COPS7B: variants seen among roughly 807,000 people sequenced by gnomAD.
COPS7B encodes the protein COP9 signalosome subunit 7B, also known as COP9 signalosome complex subunit 7b.
A neutral mutation model predicts 33.4 loss-of-function variants in COPS7B; 9 were observed. The ratio of observed to expected loss-of-function variants is 0.27; its 90% CI spans 0.16 to 0.47. The LOEUF (loss-of-function observed/expected upper bound fraction) is 0.47. COPS7B is among the 20% of genes least tolerant of loss of function. The pLI is 0.99. For synonymous variants in COPS7B, 119 were observed against 126.3 expected (o/e 0.94, Z 0.39); for missense variants, 242 against 318.2 (o/e 0.76, Z 1.82).
At chr2:231,799,694 C>T (rs1253493743) in intron 6 of COPS7B, among the ~76,000 whole-genome samples, 2 of 152,166 alleles carry the variant, frequency 1.3e-5, no homozygotes, top group Non-Finnish European at 2.9e-5. Flanking sequence ...CACTGATTTT[C>T]CTTAGCATTG....
upstream of COPS7B, among the ~76,000 whole-genome samples, chr2:231,784,384 A>C (rs1424565698): frequency 1.3e-5 from 2 of 151,576 alleles, no homozygotes; most frequent in Non-Finnish European, 2.9e-5. Context: ...TGGGAGGTGG[A>C]GGTGGTAGGA....
upstream of COPS7B, among the ~76,000 whole-genome samples, chr2:231,782,366 A>C (rs2049151173): frequency 6.6e-6 from 1 of 152,150 alleles, no homozygotes. Flanking sequence ...ATTTATTTTC[A>C]GCCTAGGTAG....
At chr2:231,784,401 G>C (rs978416573), upstream of COPS7B, among the ~76,000 whole-genome samples, 6 of 152,010 alleles carry the variant, frequency 3.9e-5, no homozygotes, top group Non-Finnish European at 8.8e-5. Flanking sequence ...AGGATCCCTT[G>C]AGCCCAGAAG....
intron 2 of COPS7B, chr2:231,789,710 C>G (rs1354322909): frequency 3.9e-5 from 6 of 152,332 alleles, no homozygotes; most frequent in Non-Finnish European, 2.9e-5. Flanking sequence ...ACCACCACAA[C>G]ACCTTTGCTG....
chr2:231,782,759 T>A (rs1009528397), upstream of COPS7B, among the ~76,000 whole-genome samples: 5 of 152,240 alleles, frequency 3.3e-5, no homozygotes, highest in Admixed American at 1.3e-4. Context: ...AAAAGGTTCA[T>A]TGCAGCTGGC....
intron 5 of COPS7B, among the ~76,000 whole-genome samples, chr2:231,796,855 C>T (rs1220760167): frequency 2.0e-5 from 3 of 152,234 alleles, no homozygotes; most frequent in Non-Finnish European, 2.9e-5. Context: ...ACTTGGAATA[C>T]AGACTCATAC....
Position 231,786,457 on chromosome 2 carries a change from G to C in COPS7B, c.-98G>C, listed in dbSNP as rs1162100031. ...ACAGAAAAGCGCCGGACGCCGGGGT[G>C]ATCATGGACGCTTGACAACCTGCGG... On this transcript the variant is annotated 5_prime_UTR_variant, in exon 1 of 7. Coordinates refer to ENST00000350033, the MANE Select transcript of COPS7B (RefSeq NM_022730.4). 1 of 985,908 alleles carries C rather than the reference G, an allele frequency of 1.0e-6. No homozygotes were observed. Among genetic ancestry groups the C allele is most frequent in the African/African-American group, 1.7e-5 (1 of 57,246 alleles). The allele number at this position is 985,908 out of a possible 1,614,324, so 61.1% of individuals were successfully genotyped here.
intron 2 of COPS7B, chr2:231,791,490 T>A (rs531315106): frequency 2.5e-5 from 13 of 510,304 alleles, no homozygotes; most frequent in Non-Finnish European, 3.9e-5. Context: ...AGCAGTTCGT[T>A]GGGCATGCTG....
At chr2:231,784,758 T>C (rs931355617), upstream of COPS7B, among the ~76,000 whole-genome samples, 1 of 152,184 alleles carries the variant, frequency 6.6e-6, no homozygotes, top group African/African-American at 2.4e-5. Flanking sequence ...GATTCTATAG[T>C]CTAAATGTCT....
At chr2:231,786,858 C>T (rs1052038456) in intron 1 of COPS7B, among the ~76,000 whole-genome samples, 15 of 152,242 alleles carry the variant, frequency 9.9e-5, no homozygotes, top group Admixed American at 8.5e-4. Context: ...TATCTCCGCT[C>T]TGTGCCTAGC....
chr2:231,799,104 G>A (rs879084920), intron 6 of COPS7B, 140 bp downstream of exon 6: 2 of 696,032 alleles, frequency 2.9e-6, no homozygotes, highest in Non-Finnish European at 2.5e-6. Flanking sequence ...TAGGTGCTGG[G>A]TTACAGGGAT....
Position 231,807,520 on chromosome 2 carries a change from G to T in COPS7B, c.670G>T (p.Ala224Ser), listed in dbSNP as rs756302127. The T allele has an allele frequency of 1.2e-6, 2 of 1,613,224 alleles. No individual in the cohort carries two copies. Among genetic ancestry groups the T allele is most frequent in the Middle Eastern group, 1.6e-4 (1 of 6,076 alleles). Residue 224 changes from alanine (A) to serine (S), a missense_variant, in exon 7 of 7, where the codon GCA becomes TCA. By Grantham distance (99) the Ala-to-Ser change is moderately conservative. Coordinates refer to ENST00000350033, the MANE Select transcript of COPS7B (RefSeq NM_022730.4). ...CATCAAGAAGACACTCAAAGCCACC[G>T]CATCCTCCTCGGCTCAGGAGATGGA... ...TNIKKTLKAT[A>S]SSSAQEMEQQ...
rs557611538 is a variant in COPS7B, at chr2:231,794,979, G to A, written c.327+628G>A. ...CTGTTGCCTGCGCTGGAGTGCAGTG[G>A]CGCAACCTGGGCTTACTGCAACCTC... On this transcript the variant is annotated intron_variant, in intron 4 of 6. Coordinates refer to ENST00000350033, the MANE Select transcript of COPS7B (RefSeq NM_022730.4). 3.3e-5 allele frequency among the ~76,000 whole-genome samples: 5 copies of A among 151,334 alleles called. No homozygotes were observed. The South Asian group carries it at 1.1e-3, about 32-fold the overall frequency.
At chr2:231,786,229 G>C (rs2049235961), upstream of COPS7B, 1 of 156,184 alleles carries the variant, frequency 6.4e-6, no homozygotes, top group Admixed American at 6.5e-5. Context: ...GTACCGTCTA[G>C]GCCGCATTCC....
chr2:231,786,002 GAAC>G (rs1049096297), upstream of COPS7B: 5 of 152,028 alleles, frequency 3.3e-5, no homozygotes. Context: ...TGAAAAATGG[GAAC>G]AATAATACAA....
In COPS7B at chr2:231,808,656, G is replaced by T; in HGVS notation, c.*1011G>T. 2.8e-6 allele frequency: 1 copy of T among 353,148 alleles called. No homozygotes were observed. The allele number at this position is 353,148 out of a possible 1,614,324, so 21.9% of individuals were successfully genotyped here. On this transcript the variant is annotated 3_prime_UTR_variant, in exon 7 of 7. Transcript: ENST00000350033. ...AGACTTCTGAACTTGAACAGTTTCA[G>T]GTTATATTTTAATTTTTTTTTTTTT...
intron 6 of COPS7B, among the ~76,000 whole-genome samples, chr2:231,803,099 T>G (rs1574678530): frequency 6.6e-6 from 1 of 152,194 alleles, no homozygotes; most frequent in Non-Finnish European, 1.5e-5. Flanking sequence ...GAGTGAGGTG[T>G]GTGCATCTGA....
chr2:231,783,218 CTAT>C (rs1482057770), upstream of COPS7B, among the ~76,000 whole-genome samples: 1 of 152,132 alleles, frequency 6.6e-6, no homozygotes, highest in African/African-American at 2.4e-5. Flanking sequence ...ATTTTTTGGA[CTAT>C]TATTAGCAAA....
rs1180578555 is a variant in COPS7B, at chr2:231,808,423, C to T, written c.*778C>T. 4.2e-6 allele frequency: 2 copies of T among 471,370 alleles called. No individual in the cohort carries two copies. The highest frequency in any genetic ancestry group is 8.8e-6 in the Non-Finnish European group (2 of 227,020). 29.2% of individuals were successfully genotyped at this position (471,370 alleles called of 1,614,324 possible). A position where few individuals can be genotyped will look rare whatever the true frequency, so the allele number is the denominator to read the frequency against. The stretch of plus-strand genomic sequence containing the variant: ...TCAGCCTTGTTTTCGGTGTGTAGGC[C>T]CCAGCTGCCCACTGGAACTGCCGGC... On this transcript the variant is annotated 3_prime_UTR_variant, in exon 7 of 7. Coordinates refer to ENST00000350033, the MANE Select transcript of COPS7B (RefSeq NM_022730.4).
Sources: allele counts gnomAD v4.1 joint callset (sites outside exome capture counted in the v4.1 genomes callset), GRCh38; gene constraint gnomAD v4.1.1; transcripts MANE v1.5; gene names NCBI Gene and HGNC (gene_info 2026-07-23, HGNC 2026-07-21).